The following PDE4B variants were observed in gnomAD, a reference collection of about 807,000 sequenced individuals.
PDE4B encodes the protein phosphodiesterase 4B.
A neutral mutation model predicts 82.2 loss-of-function variants in PDE4B; 20 were observed. The ratio of observed to expected loss-of-function variants is 0.24; its 90% CI spans 0.17 to 0.35. PDE4B has a LOEUF of 0.35. PDE4B is among the 10% of genes least tolerant of loss of function. PDE4B has a pLI of 1.00. For synonymous variants in PDE4B, 320 were observed against 318.9 expected (o/e 1.00, Z -0.04); for missense variants, 655 against 907.2 (o/e 0.72, Z 3.57).
intron 3 of PDE4B, among the ~76,000 whole-genome samples, chr1:66,036,167 A>C (rs749611291): frequency 6.6e-6 from 1 of 152,080 alleles, no homozygotes; most frequent in Non-Finnish European, 1.5e-5. Flanking sequence ...CCATTTTTAA[A>C]GTTATTTTTT....
intron 3 of PDE4B, among the ~76,000 whole-genome samples, chr1:66,112,060 A>G (rs971604589): frequency 1.3e-5 from 2 of 152,106 alleles, no homozygotes; most frequent in African/African-American, 4.8e-5. Context: ...CAATGTATAT[A>G]AAAAGTTGAT....
At chr1:66,315,945 C>T (rs569720475) in intron 7 of PDE4B, among the ~76,000 whole-genome samples, 66 of 152,366 alleles carry the variant, frequency 4.3e-4, no homozygotes, top group African/African-American at 1.6e-3. Context: ...ACCTCACTCA[C>T]TCTCCACCCT....
At chr1:65,952,820 T>A (rs979280752) in intron 3 of PDE4B, among the ~76,000 whole-genome samples, 2 of 152,166 alleles carry the variant, frequency 1.3e-5, no homozygotes, top group African/African-American at 4.8e-5. Flanking sequence ...TAGTAATATC[T>A]ACCTTTTAAG....
intron 16 of PDE4B, among the ~76,000 whole-genome samples, chr1:66,369,216 T>C (rs1265117626): frequency 6.6e-6 from 1 of 152,238 alleles, no homozygotes; most frequent in African/African-American, 2.4e-5. Context: ...ATCATTTAGA[T>C]AGTTGTCTCT....
intron 3 of PDE4B, among the ~76,000 whole-genome samples, chr1:66,156,373 A>G (rs1646501891): frequency 1.3e-5 from 2 of 152,188 alleles, no homozygotes; most frequent in African/African-American, 4.8e-5. Context: ...GGGACATGAT[A>G]CAATGTTTTG....
intron 1 of PDE4B, among the ~76,000 whole-genome samples, chr1:65,799,987 G>T (rs1645676676): frequency 6.6e-6 from 1 of 152,148 alleles, no homozygotes. Flanking sequence ...TGATAAGATT[G>T]CTTTAGTGGT....
intron 3 of PDE4B, among the ~76,000 whole-genome samples, chr1:66,043,072 T>C (rs1359530574): frequency 1.3e-5 from 2 of 151,562 alleles, no homozygotes; most frequent in African/African-American, 2.4e-5. Context: ...TTTAGGGAGG[T>C]CTCATTAAGG....
Position 66,026,745 on chromosome 1 carries a change from C to T in PDE4B, c.281+107910C>T, listed in dbSNP as rs1653458024. ...TTATTCTCATTGCCAGACTCCACTT[C>T]AATTTCTGTAAGCTTTATTTCAGAC... is the stretch of plus-strand genomic sequence containing the variant. On this transcript the variant is annotated intron_variant, in intron 3 of 16. Coordinates refer to ENST00000341517, the MANE Select transcript of PDE4B (RefSeq NM_002600.4). 2.0e-5 allele frequency among the ~76,000 whole-genome samples: 3 copies of T among 152,324 alleles called. No individual in the cohort carries two copies. The South Asian group carries it at 6.2e-4, about 32-fold the overall frequency.
chr1:65,833,740 CATCT>C (rs1220647677), intron 1 of PDE4B, among the ~76,000 whole-genome samples: 4 of 152,134 alleles, frequency 2.6e-5, no homozygotes, highest in African/African-American at 4.8e-5. Context: ...TATAAAAATT[CATCT>C]ATCTGTCTAG....
chr1:65,994,661 A>G (rs994140768), intron 3 of PDE4B, among the ~76,000 whole-genome samples: 3 of 152,174 alleles, frequency 2.0e-5, no homozygotes, highest in African/African-American at 4.8e-5. Flanking sequence ...AAAATAATAT[A>G]TACAGAAAAT....
At chr1:65,953,334 G>A (rs1201591316) in intron 3 of PDE4B, among the ~76,000 whole-genome samples, 1 of 152,082 alleles carries the variant, frequency 6.6e-6, no homozygotes, top group Non-Finnish European at 1.5e-5. Flanking sequence ...CCAGGAAGCT[G>A]TGACTATGTT....
chr1:66,333,737 G>A (rs1660298686), intron 8 of PDE4B, among the ~76,000 whole-genome samples: 1 of 152,148 alleles, frequency 6.6e-6, no homozygotes, highest in Non-Finnish European at 1.5e-5. Context: ...GAGGATCTGC[G>A]CAGAGGAAGC....
In PDE4B at chr1:66,022,532, G is replaced by T. The variant is rs977716253; in HGVS notation, c.281+103697G>T. On this transcript the variant is annotated intron_variant, in intron 3 of 16. Coordinates refer to ENST00000341517, the MANE Select transcript of PDE4B (RefSeq NM_002600.4). ...TTAGCTTGTAGGGCTGTTGAATTTT[G>T]TTGAAGGCCCTTTCTGCATCTATTG... Among the ~76,000 whole-genome samples, 3 of 152,196 alleles carry T rather than the reference G, an allele frequency of 2.0e-5. No individual in the cohort carries two copies. The South Asian group carries it at 6.2e-4, about 32-fold the overall frequency.
Position 66,329,956 on chromosome 1 carries a change from C to T in PDE4B, c.635-2552C>T, listed in dbSNP as rs576944561. Among the ~76,000 whole-genome samples the T allele has an allele frequency of 3.3e-5, 5 of 152,254 alleles. No individual in the cohort carries two copies. The South Asian group carries it at 8.3e-4, about 25-fold the overall frequency. On this transcript the variant is annotated intron_variant, in intron 7 of 16. Coordinates refer to ENST00000341517, the MANE Select transcript of PDE4B (RefSeq NM_002600.4). The stretch of plus-strand genomic sequence containing the variant: ...TTATTTACTGAGTATCTCCTAGGTG[C>T]TAAAACTACAAAGTTATATCAGGGA...
intron 3 of PDE4B, among the ~76,000 whole-genome samples, chr1:65,981,847 C>G (rs1012843207): frequency 6.6e-6 from 1 of 152,082 alleles, no homozygotes; most frequent in East Asian, 1.9e-4. Context: ...GCCTTCCCCC[C>G]AAGAAAGGGC....
At chr1:65,947,408 C>T (rs758629414) in intron 3 of PDE4B, among the ~76,000 whole-genome samples, 18 of 151,970 alleles carry the variant, frequency 1.2e-4, no homozygotes, top group Non-Finnish European at 2.5e-4. Context: ...TTAGGGACCA[C>T]CATTCCTGTC....
At chr1:65,883,329 C>T (rs561057650) in intron 1 of PDE4B, among the ~76,000 whole-genome samples, 3 of 152,228 alleles carry the variant, frequency 2.0e-5, no homozygotes, top group East Asian at 3.9e-4. Flanking sequence ...TCTTTTATTT[C>T]GCTGAGCAGT....
Position 66,250,161 on chromosome 1 carries a change from C to T in PDE4B, c.476+2507C>T, listed in dbSNP as rs17128661. On this transcript the variant is annotated intron_variant, in intron 4 of 16. Transcript: ENST00000341517. ...TGATTATTAACTCTTTAAGATGAAT[C>T]GAAACAGAGGAACAGCAGCTCCCCA... Among the ~76,000 whole-genome samples, 1,539 of 152,200 alleles carry T rather than the reference C, an allele frequency of 0.01. 51 individuals carry two copies. In the East Asian group the frequency reaches 0.11, roughly 11 times the overall value.
chr1:66,083,330 TCTC>T (rs1376901900), intron 3 of PDE4B, among the ~76,000 whole-genome samples: 1 of 151,924 alleles, frequency 6.6e-6, no homozygotes, highest in African/African-American at 2.4e-5. Flanking sequence ...TTTTTCCACT[TCTC>T]CTCACAGTAT....
Sources: gnomAD v4.1 joint callset for allele counts (sites outside exome capture counted in the v4.1 genomes callset) on GRCh38, gnomAD v4.1.1 for gene constraint, MANE v1.5 for transcripts, NCBI Gene and HGNC (gene_info 2026-07-23, HGNC 2026-07-21) for gene names.